MEIS1: variants seen among roughly 807,000 people sequenced by gnomAD.
The protein encoded by MEIS1 is homeobox protein Meis1.
A neutral mutation model predicts 50.8 loss-of-function variants in MEIS1; 5 were observed. That is an observed-to-expected ratio of 0.10 (90% CI 0.05 to 0.21). The LOEUF is 0.21. MEIS1 is among the 10% of genes least tolerant of loss of function. The pLI, the probability that MEIS1 is intolerant of heterozygous loss-of-function variation, is 1.00. For missense variants in MEIS1, 318 were observed against 517.3 expected (o/e 0.61, Z 3.74); for synonymous variants, 176 against 179.3 (o/e 0.98, Z 0.15).
At chr2:66,528,067 G>C (rs1429929866) in intron 8 of MEIS1, among the ~76,000 whole-genome samples, 1 of 152,046 alleles carries the variant, frequency 6.6e-6, no homozygotes, top group South Asian at 2.1e-4. Flanking sequence ...CTGTGCTGTG[G>C]GAGTACAAAG....
At chr2:66,455,961 T>C (rs1672378159) in intron 6 of MEIS1, among the ~76,000 whole-genome samples, 1 of 152,156 alleles carries the variant, frequency 6.6e-6, no homozygotes, top group Non-Finnish European at 1.5e-5. Context: ...TTTAGTGATT[T>C]CTGAAGCTTG....
chr2:66,490,929 G>C (rs758076107), intron 7 of MEIS1, among the ~76,000 whole-genome samples: 4 of 152,040 alleles, frequency 2.6e-5, no homozygotes, highest in Admixed American at 2.6e-4. Context: ...TACCATTTGC[G>C]TTGCATCTTT....
intron 8 of MEIS1, among the ~76,000 whole-genome samples, chr2:66,524,228 T>C (rs1246861507): frequency 6.6e-6 from 1 of 152,182 alleles, no homozygotes; most frequent in Non-Finnish European, 1.5e-5. Context: ...AAAGCAGGCA[T>C]GGTCCAGCCT....
intron 1 of MEIS1, chr2:66,436,968 T>C (rs1671812572): frequency 1.0e-6 from 1 of 982,772 alleles, no homozygotes; most frequent in Admixed American, 6.2e-5. Flanking sequence ...CCTCCTTGAC[T>C]TCTAGTCTGG....
At chr2:66,442,779 C>A in intron 5 of MEIS1, 123 bp from the exon 6 acceptor site, 1 of 895,476 alleles carries the variant, frequency 1.1e-6, no homozygotes, top group Non-Finnish European at 1.7e-6. Context: ...CTCTGGAGGA[C>A]AATTGCCCTG....
At chr2:66,468,324 C>G (rs1213554134) in intron 7 of MEIS1, among the ~76,000 whole-genome samples, 1 of 152,146 alleles carries the variant, frequency 6.6e-6, no homozygotes, top group Non-Finnish European at 1.5e-5. Flanking sequence ...TACTGTTTCC[C>G]CAAAGGCCTG....
intron 8 of MEIS1, among the ~76,000 whole-genome samples, chr2:66,542,555 A>C (rs1674681856): frequency 6.6e-6 from 1 of 152,212 alleles, no homozygotes; most frequent in African/African-American, 2.4e-5. Context: ...TATAGCATGT[A>C]ACATTTTGCT....
intron 6 of MEIS1, among the ~76,000 whole-genome samples, chr2:66,446,829 A>C (rs1240711169): frequency 6.6e-6 from 1 of 152,226 alleles, no homozygotes; most frequent in African/African-American, 2.4e-5. Context: ...CAGGGCCGCC[A>C]GGCCTCTGGG....
chr2:66,446,697 G>A lies in MEIS1; in HGVS notation c.630+3649G>A, dbSNP rs551699017. Among the ~76,000 whole-genome samples, 6 of 152,346 alleles carry A rather than the reference G, an allele frequency of 3.9e-5. No homozygotes were observed. In the East Asian group the frequency reaches 1.2e-3, roughly 29 times the overall value. ...CAGATTTGTCTCTGACGTCTGGGGAGAAGTAATATGGCTTGCAGTTATGGA... is the reference window on the plus strand; with the variant it reads ...CAGATTTGTCTCTGACGTCTGGGGAAAAGTAATATGGCTTGCAGTTATGGA... On this transcript the variant is annotated intron_variant, in intron 6 of 12. Coordinates refer to ENST00000272369, the MANE Select transcript of MEIS1 (RefSeq NM_002398.3).
Position 66,572,650 on chromosome 2 carries a change from G to A in MEIS1, c.*1442G>A, listed in dbSNP as rs181392507. The A allele has an allele frequency of 7.9e-5, 12 of 152,198 alleles. No individual in the cohort carries two copies. The East Asian group carries it at 2.1e-3, about 27-fold the overall frequency. The allele number at this position is 152,198 out of a possible 1,614,324, so 9.4% of individuals were successfully genotyped here. ...CAATCATTGCACACTGAGTCTTAGCGTTTCTGATGGAAACAGTTTGGATTG... is the reference window on the plus strand; with the variant it reads ...CAATCATTGCACACTGAGTCTTAGCATTTCTGATGGAAACAGTTTGGATTG... On this transcript the variant is annotated 3_prime_UTR_variant, in exon 13 of 13. Coordinates refer to ENST00000272369, the MANE Select transcript of MEIS1 (RefSeq NM_002398.3).
intron 7 of MEIS1, among the ~76,000 whole-genome samples, chr2:66,488,308 A>G (rs145497151): frequency 8.1e-4 from 124 of 152,330 alleles, no homozygotes; most frequent in East Asian, 6.2e-3. Flanking sequence ...GTCACCTTAC[A>G]TGGTTTGTGA....
chr2:66,439,508 G>C, intron 2 of MEIS1: 2 of 1,470,648 alleles, frequency 1.4e-6, no homozygotes, highest in Non-Finnish European at 1.8e-6. Context: ...GAGGGGACGA[G>C]GGCTTGTCGG....
At position 66,568,427 on chromosome 2, in the gene MEIS1, C is replaced by A. The variant is rs542298282; in HGVS notation, c.1025-240C>A. On this transcript the variant is annotated intron_variant, in intron 10 of 12. Transcript: ENST00000272369. ...CCCATTATGTGGTCACCAGACAAAA[C>A]CCAAGCAGAAAGTTTCCACACCTTA... 195 of 402,508 alleles carry A rather than the reference C, an allele frequency of 4.8e-4. 1 individual carries two copies. In the South Asian group the frequency reaches 5.1e-3, roughly 11 times the overall value. 24.9% of individuals were successfully genotyped at this position (402,508 alleles called of 1,614,324 possible).
intron 9 of MEIS1, among the ~76,000 whole-genome samples, chr2:66,555,521 G>A (rs533851412): frequency 6.6e-6 from 1 of 152,274 alleles, no homozygotes; most frequent in Admixed American, 6.5e-5. Flanking sequence ...GCTAAGAGGG[G>A]CATTGAAGCT....
chr2:66,506,685 T>C (rs1673691803), intron 7 of MEIS1, among the ~76,000 whole-genome samples: 1 of 152,186 alleles, frequency 6.6e-6, no homozygotes, highest in African/African-American at 2.4e-5. Flanking sequence ...TAAATGAAGA[T>C]AAAACATCTC....
chr2:66,487,263 C>T (rs1357058400), intron 7 of MEIS1, among the ~76,000 whole-genome samples: 4 of 152,210 alleles, frequency 2.6e-5, no homozygotes, highest in Middle Eastern at 3.4e-3. Flanking sequence ...TTTTCATACA[C>T]GCAGAAAAAT....
At chr2:66,529,403 A>G (rs1674335464) in intron 8 of MEIS1, among the ~76,000 whole-genome samples, 1 of 152,178 alleles carries the variant, frequency 6.6e-6, no homozygotes, top group African/African-American at 2.4e-5. Context: ...TTAGGATATC[A>G]TCAGTGACTT....
At chr2:66,509,289 T>G (rs1673765663) in intron 7 of MEIS1, among the ~76,000 whole-genome samples, 1 of 152,230 alleles carries the variant, frequency 6.6e-6, no homozygotes, top group South Asian at 2.1e-4. Context: ...CTTCTCCATT[T>G]CCCTAACTTG....
At chr2:66,455,886 G>A (rs1672376692) in intron 6 of MEIS1, among the ~76,000 whole-genome samples, 2 of 152,122 alleles carry the variant, frequency 1.3e-5, no homozygotes, top group Non-Finnish European at 2.9e-5. Context: ...CCTTACGTAT[G>A]TGATAGGTGT....
Sources: gnomAD v4.1 joint callset for allele counts (sites outside exome capture counted in the v4.1 genomes callset) on GRCh38, gnomAD v4.1.1 for gene constraint, MANE v1.5 for transcripts, NCBI Gene and HGNC (gene_info 2026-07-23, HGNC 2026-07-21) for gene names.